The following LRP1B variants were observed in gnomAD, a reference collection of about 807,000 sequenced individuals.
The protein encoded by LRP1B is low-density lipoprotein receptor-related protein 1B.
A neutral mutation model predicts 556.6 loss-of-function variants in LRP1B; 217 were observed. That is an observed-to-expected ratio of 0.39 (90% confidence interval 0.35 to 0.44). The LOEUF (loss-of-function observed/expected upper bound fraction) is 0.44, where lower values mean the gene tolerates loss of function less well. Ranked by LOEUF, LRP1B falls within the 20% of genes least tolerant of loss-of-function variation. The pLI is 1.00. For synonymous variants in LRP1B, 2,047 were observed against 1,865.8 expected, an observed-to-expected ratio of 1.10 and a Z score of -2.50; for missense variants, 5,053 against 5,620.8, an observed-to-expected ratio of 0.90 and a Z score of 3.23.
chr2:140,529,020 AAG>A (rs1379519690), intron 47 of LRP1B, among the ~76,000 whole-genome samples: 1 of 152,006 alleles, frequency 6.6e-6, no homozygotes, highest in Non-Finnish European at 1.5e-5. Flanking sequence ...AGTCCTGATA[AAG>A]AGAGAAAATG....
rs149593605 is a variant in LRP1B at position 141,156,722 on chromosome 2, T to C, written c.1013+31699A>G. On this transcript the variant is annotated intron_variant, in intron 7 of 90. Coordinates refer to ENST00000389484, the MANE Select transcript of LRP1B (RefSeq NM_018557.3). ...CTGAGAGAGAGTTCTCTCATAGATA[T>C]ATATAAAAGCAAGAATGAGCATAGG... Among the ~76,000 whole-genome samples the C allele has an allele frequency of 3.2e-3, 488 of 151,986 alleles. 6 individuals are homozygous for C. Among genetic ancestry groups the C allele is most frequent in the African/African-American group, 0.011 (463 of 41,438 alleles).
intron 66 of LRP1B, among the ~76,000 whole-genome samples, chr2:140,411,146 CTCT>C (rs1684953989): frequency 6.6e-6 from 1 of 152,118 alleles, no homozygotes; most frequent in South Asian, 2.1e-4. Flanking sequence ...CAATCTGTCT[CTCT>C]TGTACCTTGA....
chr2:140,494,535 A>C (rs1285272982), intron 56 of LRP1B, among the ~76,000 whole-genome samples: 1 of 145,802 alleles, frequency 6.9e-6, no homozygotes, highest in Non-Finnish European at 1.5e-5. Context: ...AACCTGGGGG[A>C]GGCAGAGCTT....
chr2:141,167,435 G>A (rs957385164), intron 7 of LRP1B: 3 of 151,578 alleles, frequency 2.0e-5, no homozygotes, highest in African/African-American at 7.3e-5. Flanking sequence ...AACCCAAAGA[G>A]GAATTGAGAA....
intron 11 of LRP1B, among the ~76,000 whole-genome samples, chr2:141,031,113 A>G (rs1698355799): frequency 6.6e-6 from 1 of 151,972 alleles, no homozygotes; most frequent in Admixed American, 6.6e-5. Flanking sequence ...ACTGTTATAC[A>G]GCAACAGATA....
intron 32 of LRP1B, among the ~76,000 whole-genome samples, chr2:140,798,607 T>C (rs1196322463): frequency 3.3e-5 from 5 of 152,164 alleles, no homozygotes; most frequent in Admixed American, 6.6e-5. Context: ...CCCAGCACTA[T>C]TGGCATTTTA....
chr2:141,552,281 T>C (rs1333737512), intron 2 of LRP1B, among the ~76,000 whole-genome samples: 1 of 152,000 alleles, frequency 6.6e-6, no homozygotes, highest in Non-Finnish European at 1.5e-5. Flanking sequence ...AAAATGTCAA[T>C]TACTTCCTTC....
chr2:140,445,633 G>T (rs1475960404), intron 63 of LRP1B, among the ~76,000 whole-genome samples: 1 of 151,910 alleles, frequency 6.6e-6, no homozygotes. Context: ...ATAATAATAA[G>T]GCAGGATCTG....
At chr2:141,279,112 G>A (rs1685413030) in intron 3 of LRP1B, among the ~76,000 whole-genome samples, 1 of 151,804 alleles carries the variant, frequency 6.6e-6, no homozygotes. Context: ...TAAATAAATA[G>A]GACATTTTAA....
chr2:141,031,325 T>C (rs189475456), intron 11 of LRP1B, among the ~76,000 whole-genome samples: 121 of 147,932 alleles, frequency 8.2e-4, no homozygotes, highest in Non-Finnish European at 1.4e-3. Context: ...GAAATAAAAA[T>C]GCACTAAAAC....
At chr2:141,095,890 T>C (rs1219722990) in intron 7 of LRP1B, among the ~76,000 whole-genome samples, 1 of 152,098 alleles carries the variant, frequency 6.6e-6, no homozygotes, top group Non-Finnish European at 1.5e-5. Context: ...CAGTACATTC[T>C]TCCCAGATGG....
intron 31 of LRP1B, among the ~76,000 whole-genome samples, chr2:140,819,066 C>G (rs950883584): frequency 6.6e-6 from 1 of 152,030 alleles, no homozygotes; most frequent in African/African-American, 2.4e-5. Context: ...GTCGCCTTGT[C>G]TAAGTATTTC....
At chr2:141,336,317 A>G (rs1687848865) in intron 3 of LRP1B, among the ~76,000 whole-genome samples, 1 of 151,992 alleles carries the variant, frequency 6.6e-6, no homozygotes, top group Non-Finnish European at 1.5e-5. Flanking sequence ...AACTTTTACT[A>G]TTGTCCTGTA....
intron 2 of LRP1B, among the ~76,000 whole-genome samples, chr2:141,722,379 G>A (rs546303736): frequency 3.4e-4 from 51 of 152,000 alleles, no homozygotes; most frequent in African/African-American, 1.2e-3. Context: ...CTCCATCTTG[G>A]GGGGAAAAAA....
intron 15 of LRP1B, among the ~76,000 whole-genome samples, chr2:140,995,984 TCAAGGAGAACCAACGTAAA>T (rs1372697623): frequency 7.9e-5 from 12 of 151,918 alleles, no homozygotes; most frequent in African/African-American, 2.9e-4. Context: ...GGGGGGCATG[TCAAGGAGAACCAACGTAAA>T]CATGAATGTT....
intron 43 of LRP1B, among the ~76,000 whole-genome samples, chr2:140,572,206 C>T (rs1274714928): frequency 2.0e-5 from 3 of 149,560 alleles, no homozygotes; most frequent in Non-Finnish European, 4.4e-5. Context: ...AGTGAAGAGA[C>T]AATCTACAGA....
intron 3 of LRP1B, among the ~76,000 whole-genome samples, chr2:141,358,717 T>C (rs112983393): frequency 3.3e-5 from 5 of 152,328 alleles, no homozygotes; most frequent in African/African-American, 1.2e-4. Flanking sequence ...TCAGGAAGTA[T>C]TTCTTGAAAG....
intron 82 of LRP1B, among the ~76,000 whole-genome samples, chr2:140,316,539 A>G (rs902232806): frequency 5.9e-5 from 9 of 152,126 alleles, no homozygotes; most frequent in Admixed American, 5.2e-4. Flanking sequence ...TATTTGTAAT[A>G]TGAATAACTC....
intron 1 of LRP1B, among the ~76,000 whole-genome samples, chr2:142,111,043 GCA>G (rs1443204086): frequency 2.0e-5 from 3 of 152,132 alleles, no homozygotes; most frequent in Non-Finnish European, 4.4e-5. Context: ...TTTGTGCAGT[GCA>G]CAGACCTTGC....
Sources: gnomAD v4.1 joint callset for allele counts (sites outside exome capture counted in the v4.1 genomes callset) on GRCh38, gnomAD v4.1.1 for gene constraint, MANE v1.5 for transcripts, NCBI Gene and HGNC (gene_info 2026-07-23, HGNC 2026-07-21) for gene names.